CTNNA2: variants seen among roughly 807,000 people sequenced by gnomAD.
CTNNA2 encodes the protein catenin alpha 2.
CTNNA2 carries 42 observed loss-of-function variants against 101.0 expected under a neutral mutation model. The ratio of observed to expected loss-of-function variants is 0.42; its 90% CI spans 0.32 to 0.54. The LOEUF (loss-of-function observed/expected upper bound fraction) is 0.54. CTNNA2 is among the 20% of genes least tolerant of loss of function. The probability of loss-of-function intolerance (pLI) is 0.14; values close to 1 mark genes in which losing one functional copy is unlikely to be tolerated. For synonymous variants in CTNNA2, 450 were observed against 456.4 expected (o/e 0.99, Z 0.18); for missense variants, 871 against 1,223.1 (o/e 0.71, Z 4.29).
chr2:80,426,713 T>C (rs1681027226), intron 9 of CTNNA2, among the ~76,000 whole-genome samples: 1 of 152,064 alleles, frequency 6.6e-6, no homozygotes, highest in African/African-American at 2.4e-5. Flanking sequence ...CTCTTCAGTC[T>C]TCAGGCTCAC....
intron 7 of CTNNA2, among the ~76,000 whole-genome samples, chr2:80,361,943 TGTTCTTAA>T (rs1369545235): frequency 6.6e-6 from 1 of 152,124 alleles, no homozygotes; most frequent in Non-Finnish European, 1.5e-5. Flanking sequence ...ATCCCATACA[TGTTCTTAA>T]GATAAACTAT....
intron 1 of CTNNA2, among the ~76,000 whole-genome samples, chr2:79,611,363 C>T (rs10182393): frequency 0.013 from 2,021 of 152,224 alleles, 74 homozygotes; most frequent in East Asian, 0.12. Flanking sequence ...AGTCATCCAG[C>T]TCTACAAGGA....
chr2:80,514,945 G>A (rs1688996814), intron 9 of CTNNA2, among the ~76,000 whole-genome samples: 1 of 152,264 alleles, frequency 6.6e-6, no homozygotes, highest in South Asian at 2.1e-4. Context: ...TAGGCTTTTT[G>A]GCTTGAAGGT....
At chr2:79,389,476 T>G (rs1459749755) in intron 4 of CTNNA2, among the ~76,000 whole-genome samples, 1 of 152,172 alleles carries the variant, frequency 6.6e-6, no homozygotes, top group East Asian at 1.9e-4. Flanking sequence ...AAAGAAAGAC[T>G]TTTGCACATT....
At chr2:80,633,492 C>T (rs2149836101) in intron 18 of CTNNA2, among the ~76,000 whole-genome samples, 1 of 152,276 alleles carries the variant, frequency 6.6e-6, no homozygotes, top group South Asian at 2.1e-4. Context: ...CGTCACATGA[C>T]TCACGCTTGT....
At chr2:80,350,613 G>A (rs1573803788) in intron 7 of CTNNA2, among the ~76,000 whole-genome samples, 1 of 152,254 alleles carries the variant, frequency 6.6e-6, no homozygotes, top group African/African-American at 2.4e-5. Flanking sequence ...TCCATACCTT[G>A]TAGTAATTTA....
At chr2:79,831,899 A>T (rs1204479549) in intron 3 of CTNNA2, among the ~76,000 whole-genome samples, 1 of 152,076 alleles carries the variant, frequency 6.6e-6, no homozygotes, top group African/African-American at 2.4e-5. Flanking sequence ...CAGATGATGA[A>T]TAATTTCTGC....
intron 7 of CTNNA2, among the ~76,000 whole-genome samples, chr2:80,202,233 A>G (rs570713475): frequency 1.7e-4 from 26 of 152,300 alleles, no homozygotes; most frequent in African/African-American, 6.3e-4. Flanking sequence ...TGAATTAATT[A>G]ATCACCCAGA....
At chr2:79,991,858 C>A (rs491062) in intron 7 of CTNNA2, among the ~76,000 whole-genome samples, 83,976 of 151,942 alleles carry the variant, frequency 0.55, 27,417 homozygotes, top group Non-Finnish European at 0.75. Context: ...TTGTTGATTA[C>A]GACTGTATAT....
chr2:79,693,037 TAAA>T (rs893563227), intron 2 of CTNNA2, among the ~76,000 whole-genome samples: 1 of 151,322 alleles, frequency 6.6e-6, no homozygotes, highest in Non-Finnish European at 1.5e-5. Flanking sequence ...AAATAAAAAT[TAAA>T]AAAATAAAGC....
At chr2:79,639,596 T>C (rs1680310362) in intron 1 of CTNNA2, among the ~76,000 whole-genome samples, 1 of 152,188 alleles carries the variant, frequency 6.6e-6, no homozygotes. Context: ...AAATTGGTTG[T>C]CTAACTTTTA....
At chr2:79,996,078 G>C (rs1382304097) in intron 7 of CTNNA2, among the ~76,000 whole-genome samples, 1 of 152,180 alleles carries the variant, frequency 6.6e-6, no homozygotes, top group African/African-American at 2.4e-5. Context: ...AGTTAAGTAG[G>C]AGGTGTTGAG....
intron 7 of CTNNA2, among the ~76,000 whole-genome samples, chr2:80,049,993 C>T (rs1034978965): frequency 6.6e-6 from 1 of 152,092 alleles, no homozygotes; most frequent in African/African-American, 2.4e-5. Context: ...CTACCAGGAG[C>T]GATGTCTCTC....
chr2:79,737,699 T>A (rs1333731255), intron 2 of CTNNA2, among the ~76,000 whole-genome samples: 3 of 152,218 alleles, frequency 2.0e-5, no homozygotes, highest in Non-Finnish European at 4.4e-5. Flanking sequence ...ATAACACTGA[T>A]GCTCTCCATA....
intron 7 of CTNNA2, among the ~76,000 whole-genome samples, chr2:79,941,689 G>T (rs183413360): frequency 6.6e-6 from 1 of 152,232 alleles, no homozygotes; most frequent in Non-Finnish European, 1.5e-5. Flanking sequence ...CAAGATCTCG[G>T]CTCACTGCAA....
At chr2:80,360,642 A>G (rs1207043144) in intron 7 of CTNNA2, among the ~76,000 whole-genome samples, 1 of 152,122 alleles carries the variant, frequency 6.6e-6, no homozygotes, top group Non-Finnish European at 1.5e-5. Context: ...GTCCCTGCAT[A>G]TGCTTAGGGA....
intron 7 of CTNNA2, among the ~76,000 whole-genome samples, chr2:80,142,542 C>T (rs953041892): frequency 6.6e-6 from 1 of 152,184 alleles, no homozygotes; most frequent in African/African-American, 2.4e-5. Flanking sequence ...AGCTGGCTAT[C>T]TGGAGATGGA....
intron 3 of CTNNA2, among the ~76,000 whole-genome samples, chr2:79,784,864 GA>G (rs1198666582): frequency 3.0e-4 from 45 of 151,758 alleles, no homozygotes; most frequent in African/African-American, 1.0e-3. Context: ...CTATATAAAG[GA>G]AAAAAACAGG....
At chr2:79,300,039 A>T (rs1573052223) in intron 2 of CTNNA2, among the ~76,000 whole-genome samples, 1 of 152,202 alleles carries the variant, frequency 6.6e-6, no homozygotes, top group African/African-American at 2.4e-5. Context: ...GTTACAATTG[A>T]TGAACCAATA....
Sources: gnomAD v4.1 joint callset for allele counts (sites outside exome capture counted in the v4.1 genomes callset) on GRCh38, gnomAD v4.1.1 for gene constraint, MANE v1.5 for transcripts, NCBI Gene and HGNC (gene_info 2026-07-23, HGNC 2026-07-21) for gene names.